NRP1: variants seen among roughly 807,000 people sequenced by gnomAD.
NRP1 encodes the protein neuropilin 1, also known as neuropilin-1.
In NRP1, 35 loss-of-function variants were observed where a neutral mutation model predicts 106.7. That is an observed-to-expected ratio of 0.33 (90% CI 0.25 to 0.43). The LOEUF (loss-of-function observed/expected upper bound fraction) is 0.43, where lower values mean the gene tolerates loss of function less well. NRP1 is among the 20% of genes least tolerant of loss of function. The pLI, the probability that NRP1 is intolerant of heterozygous loss-of-function variation, is 1.00. For missense variants in NRP1, 1,024 were observed against 1,170.4 expected (o/e 0.87, Z 1.83); for synonymous variants, 437 against 417.9 (o/e 1.05, Z -0.56).
chr10:33,281,517 T>C (rs1044538698), intron 2 of NRP1, among the ~76,000 whole-genome samples: 2 of 152,176 alleles, frequency 1.3e-5, no homozygotes, highest in Non-Finnish European at 2.9e-5. Context: ...ATCACCATCT[T>C]TGACACCTCA....
chr10:33,272,148 A>C (rs1843349765), intron 2 of NRP1, among the ~76,000 whole-genome samples: 1 of 152,226 alleles, frequency 6.6e-6, no homozygotes, highest in Non-Finnish European at 1.5e-5. Context: ...TTATGTTTAC[A>C]TAAAGTCTCA....
In NRP1 at chr10:33,330,864, A is replaced by G. The variant is rs867341914; in HGVS notation, c.92T>C (p.Ile31Thr). The change falls in exon 2 of 17, where the codon ATA (isoleucine) becomes ACA (threonine). Residue 31 changes from isoleucine to threonine, a missense_variant. By Grantham distance (89) the Ile-to-Thr change is moderately conservative (BLOSUM62 -1). Coordinates refer to ENST00000374867, the MANE Select transcript of NRP1 (RefSeq NM_003873.7). The part of the protein sequence containing the change: ...AFRNDKCGDT[I>T]KIESPGYLTS... ...AAGGTACCCGGGGCTTTCAATTTTTATAGTATCGCCACATTTATCTGCAAT... is the reference window on the plus strand; with the variant it reads ...AAGGTACCCGGGGCTTTCAATTTTTGTAGTATCGCCACATTTATCTGCAAT... The G allele has an allele frequency of 1.3e-5, 21 of 1,607,670 alleles. No homozygotes were observed. Among genetic ancestry groups the G allele is most frequent in the African/African-American group, 1.2e-4 (9 of 74,688 alleles).
At chr10:33,313,790 C>A (rs1032242133) in intron 2 of NRP1, among the ~76,000 whole-genome samples, 2 of 152,142 alleles carry the variant, frequency 1.3e-5, no homozygotes, top group Non-Finnish European at 2.9e-5. Flanking sequence ...GAGAGAGCTA[C>A]GGACATGGTC....
At chr10:33,226,892 G>A (rs2132947169) in intron 6 of NRP1, among the ~76,000 whole-genome samples, 1 of 152,214 alleles carries the variant, frequency 6.6e-6, no homozygotes, top group Non-Finnish European at 1.5e-5. Context: ...TCTGATTGAT[G>A]TCTCATGTCT....
chr10:33,202,872 A>T lies in NRP1; in HGVS notation c.1864+19T>A. 6.2e-7 allele frequency: 1 copy of T among 1,614,202 alleles called. No homozygotes were observed. The highest frequency in any genetic ancestry group is 8.5e-7 in the Non-Finnish European group (1 of 1,180,032). On this transcript the variant is annotated intron_variant, in intron 11 of 16. Transcript: ENST00000374867. ...TGAACTGAAATGGTACAGCAATGGG[A>T]TGAAGATGGTTTCTGCACCTGTGAG... is the stretch of plus-strand genomic sequence containing the variant.
chr10:33,181,473 G>T, intron 16 of NRP1, among the ~76,000 whole-genome samples: 1 of 152,164 alleles, frequency 6.6e-6, no homozygotes, highest in Admixed American at 6.5e-5. Context: ...CATTTCTAAG[G>T]GCAACAGATG....
At chr10:33,210,758 T>G (rs1304975254) in intron 9 of NRP1, among the ~76,000 whole-genome samples, 2 of 152,236 alleles carry the variant, frequency 1.3e-5, no homozygotes, top group African/African-American at 4.8e-5. Flanking sequence ...GCTGTGGATT[T>G]CACAAAACAG....
intron 15 of NRP1, 90 bp downstream of exon 15, chr10:33,185,538 G>C: frequency 2.0e-6 from 2 of 977,796 alleles, no homozygotes; most frequent in Non-Finnish European, 3.2e-6. Flanking sequence ...GAAATTCTAG[G>C]TAGAAATGAG....
intron 2 of NRP1, among the ~76,000 whole-genome samples, chr10:33,322,360 A>G (rs1847571647): frequency 6.6e-6 from 1 of 152,148 alleles, no homozygotes; most frequent in Non-Finnish European, 1.5e-5. Context: ...AGTTAAGGCA[A>G]GTTTTTATTT....
At chr10:33,203,616 G>A (rs967352560) in intron 10 of NRP1, among the ~76,000 whole-genome samples, 4 of 151,862 alleles carry the variant, frequency 2.6e-5, no homozygotes, top group African/African-American at 4.8e-5. Context: ...CAGATGTCCC[G>A]GGGTCATTTT....
intron 1 of NRP1, 49 bp downstream of exon 1, chr10:33,334,261 G>T: frequency 1.3e-6 from 2 of 1,511,904 alleles, no homozygotes; most frequent in Non-Finnish European, 1.8e-6. Context: ...GGGGCGGGCA[G>T]CTGGGAGCCG....
chr10:33,284,081 G>T (rs116573819), intron 2 of NRP1, among the ~76,000 whole-genome samples: 191 of 152,174 alleles, frequency 1.3e-3, no homozygotes, highest in African/African-American at 4.5e-3. Flanking sequence ...TAACACAATA[G>T]AAGCTAGAGA....
rs113332458 is a variant in NRP1, at chr10:33,256,873, G to A, written c.659-402C>T. Among the ~76,000 whole-genome samples the A allele has an allele frequency of 4.6e-3, 701 of 152,286 alleles. 4 individuals carry two copies. Among genetic ancestry groups the A allele is most frequent in the African/African-American group, 0.014 (590 of 41,566 alleles). On this transcript the variant is annotated intron_variant, in intron 4 of 16. Coordinates refer to ENST00000374867, the MANE Select transcript of NRP1 (RefSeq NM_003873.7). ...GGTCACTGAGGTTTCTGAGTTACCCGTCCTCGCCTCTCTTGCCCTAGGGGG... is the reference window on the plus strand; with the variant it reads ...GGTCACTGAGGTTTCTGAGTTACCCATCCTCGCCTCTCTTGCCCTAGGGGG...
intron 2 of NRP1, 95 bp from the exon 3 acceptor site, chr10:33,270,951 C>G: frequency 8.9e-7 from 1 of 1,121,296 alleles, no homozygotes; most frequent in Non-Finnish European, 1.2e-6. Context: ...CATAGTGTGC[C>G]AGGAAGAAAA....
At chr10:33,237,442 G>A (rs550775028) in intron 6 of NRP1, among the ~76,000 whole-genome samples, 3 of 151,416 alleles carry the variant, frequency 2.0e-5, no homozygotes, top group East Asian at 2.0e-4. Context: ...AAGCAGAAGC[G>A]GCCAGCTTTG....
chr10:33,295,295 G>A (rs1251812297), intron 2 of NRP1, among the ~76,000 whole-genome samples: 2 of 152,172 alleles, frequency 1.3e-5, no homozygotes, highest in South Asian at 2.1e-4. Context: ...ATCTGAACTC[G>A]AAAGACCCCG....
chr10:33,238,866 T>C (rs1374675150), intron 6 of NRP1, among the ~76,000 whole-genome samples: 1 of 151,978 alleles, frequency 6.6e-6, no homozygotes, highest in Non-Finnish European at 1.5e-5. Context: ...GACCTAATAT[T>C]TTTTTACTTA....
At chr10:33,311,355 G>T (rs973085571) in intron 2 of NRP1, among the ~76,000 whole-genome samples, 1 of 152,178 alleles carries the variant, frequency 6.6e-6, no homozygotes, top group Non-Finnish European at 1.5e-5. Context: ...TAGGTCCCAG[G>T]TGGGCCTGCC....
At chr10:33,181,570 CT>C (rs1835688368) in intron 16 of NRP1, among the ~76,000 whole-genome samples, 1 of 152,204 alleles carries the variant, frequency 6.6e-6, no homozygotes, top group Admixed American at 6.5e-5. Context: ...GCCCACAATG[CT>C]GGCTGGGAGA....
Sources: gnomAD v4.1 joint callset for allele counts (sites outside exome capture counted in the v4.1 genomes callset) on GRCh38, gnomAD v4.1.1 for gene constraint, MANE v1.5 for transcripts, NCBI Gene and HGNC (gene_info 2026-07-23, HGNC 2026-07-21) for gene names.